GLI3: variants seen among roughly 807,000 people sequenced by gnomAD.
GLI3 encodes GLI family zinc finger 3.
Under a neutral mutation model 100.8 loss-of-function variants are expected in GLI3, and 20 were observed. That is an observed-to-expected ratio of 0.20 (90% confidence interval 0.14 to 0.29). GLI3 has a LOEUF of 0.29. Among genes scored for constraint, GLI3 ranks in the 10% least tolerant of loss-of-function variants. GLI3 has a pLI of 1.00. For missense variants in GLI3, 2,040 were observed against 2,128.5 expected (o/e 0.96, Z 0.82); for synonymous variants, 938 against 860.5 (o/e 1.09, Z -1.58).
Position 41,964,929 on chromosome 7 carries a change from C to G in GLI3, c.4144G>C (p.Gly1382Arg), listed in dbSNP as rs1213743797. The G allele has an allele frequency of 2.5e-6, 4 of 1,613,800 alleles. No individual in the cohort carries two copies. Among genetic ancestry groups the G allele is most frequent in the Non-Finnish European group, 3.4e-6 (4 of 1,180,052 alleles). The change falls in exon 15 of 15, where the codon GGC becomes CGC. Residue 1382 changes from glycine (G) to arginine (R), a missense_variant. Gly to Arg is a moderately radical substitution (Grantham distance 125). Around this residue, in one of 5 missense-constraint regions of GLI3, gnomAD observed 1,041 missense variants for 924.0 expected, o/e 1.13. Coordinates refer to ENST00000395925, the MANE Select transcript of GLI3 (RefSeq NM_000168.6). Reference protein sequence around the residue: ...SQPSSLAVVRGYQPCASFGGS... With the variant: ...SQPSSLAVVRRYQPCASFGGS... ...CCAAAGCTGGCACATGGCTGGTAGC[C>G]CCTGACAACTGCCAAGCTTGACGGC...
chr7:42,115,346 G>A (rs1785826935), intron 3 of GLI3, among the ~76,000 whole-genome samples: 1 of 151,934 alleles, frequency 6.6e-6, no homozygotes, highest in Non-Finnish European at 1.5e-5. Context: ...CACCATATTG[G>A]CCAGGCTGGT....
At chr7:42,134,784 GA>G (rs1786386038) in intron 3 of GLI3, among the ~76,000 whole-genome samples, 1 of 152,058 alleles carries the variant, frequency 6.6e-6, no homozygotes, top group South Asian at 2.1e-4. Context: ...TTCCCTGCAA[GA>G]AAACTCTAAA....
chr7:42,251,845 A>G (rs1236858150), intron 1 of GLI3, among the ~76,000 whole-genome samples: 7 of 152,074 alleles, frequency 4.6e-5, no homozygotes, highest in African/African-American at 1.7e-4. Context: ...CACAGAGAAA[A>G]CAGCAGGAGA....
intron 4 of GLI3, among the ~76,000 whole-genome samples, chr7:42,050,772 G>A (rs1238988123): frequency 6.6e-6 from 1 of 152,116 alleles, no homozygotes; most frequent in Non-Finnish European, 1.5e-5. Flanking sequence ...ATTTCTTACT[G>A]GCTTTTCTTG....
rs1383426134 is a variant in GLI3 at position 42,086,143 on chromosome 7, T to A, written c.368-9286A>T. Among the ~76,000 whole-genome samples, 6 of 152,284 alleles carry A rather than the reference T, an allele frequency of 3.9e-5. No individual in the cohort carries two copies. The East Asian group carries it at 1.2e-3, about 29-fold the overall frequency. ...CAATCTTGATGAGCACAAGTGCAAGTCACTGAATACTTTAATGCAGGTCAA... is the reference window on the plus strand; with the variant it reads ...CAATCTTGATGAGCACAAGTGCAAGACACTGAATACTTTAATGCAGGTCAA... On this transcript the variant is annotated intron_variant, in intron 3 of 14. Coordinates refer to ENST00000395925, the MANE Select transcript of GLI3 (RefSeq NM_000168.6).
At chr7:42,111,884 C>T (rs571112601) in intron 3 of GLI3, among the ~76,000 whole-genome samples, 2 of 152,154 alleles carry the variant, frequency 1.3e-5, no homozygotes, top group Non-Finnish European at 2.9e-5. Flanking sequence ...GTGAGCAGTG[C>T]ACCCGGTATG....
At chr7:41,992,734 T>G (rs1583766180) in intron 10 of GLI3, among the ~76,000 whole-genome samples, 1 of 152,218 alleles carries the variant, frequency 6.6e-6, no homozygotes, top group African/African-American at 2.4e-5. Flanking sequence ...GAGCATGTCA[T>G]CATGTGGGGT....
intron 2 of GLI3, among the ~76,000 whole-genome samples, chr7:42,197,176 C>T (rs1053722045): frequency 2.4e-4 from 37 of 152,172 alleles, no homozygotes; most frequent in African/African-American, 8.4e-4. Flanking sequence ...TCCCTCTTAA[C>T]GTCATCAAGT....
At chr7:42,045,552 A>T in intron 5 of GLI3, 22 bp from the exon 6 acceptor site, 1 of 1,612,792 alleles carries the variant, frequency 6.2e-7, no homozygotes, top group Non-Finnish European at 8.5e-7. Flanking sequence ...CAAGAGATGT[A>T]TGGTTACTAG....
chr7:42,115,879 T>G (rs773257096), intron 3 of GLI3, among the ~76,000 whole-genome samples: 6 of 152,118 alleles, frequency 3.9e-5, no homozygotes, highest in Non-Finnish European at 7.3e-5. Context: ...TGGTGGCAAG[T>G]GTTAACAACT....
In GLI3 at chr7:42,008,098, T is replaced by C. The variant is rs116879663; in HGVS notation, c.1497+15370A>G. ...AATTTCACTCAGGTTCGAGTGGGAC[T>C]AAGTAAATCTAGTCCAGCAACCCAC... On this transcript the variant is annotated intron_variant, in intron 10 of 14. Transcript: ENST00000395925. 5.0e-4 allele frequency among the ~76,000 whole-genome samples: 76 copies of C among 152,284 alleles called. 1 individual carries two copies. The East Asian group carries it at 0.014, about 27-fold the overall frequency.
chr7:42,019,831 T>A (rs1335768298), intron 10 of GLI3, among the ~76,000 whole-genome samples: 2 of 152,174 alleles, frequency 1.3e-5, no homozygotes, highest in Non-Finnish European at 2.9e-5. Context: ...TATACTCCTC[T>A]TGCTTTTTTG....
intron 6 of GLI3, among the ~76,000 whole-genome samples, chr7:42,041,976 G>A (rs1441011578): frequency 6.6e-6 from 1 of 150,578 alleles, no homozygotes; most frequent in Non-Finnish European, 1.5e-5. Flanking sequence ...GCCTGATTTA[G>A]AGCATGTTAG....
chr7:42,077,352 A>ACATG (rs1166800882), intron 3 of GLI3, among the ~76,000 whole-genome samples: 2 of 150,474 alleles, frequency 1.3e-5, no homozygotes, highest in African/African-American at 2.5e-5. Flanking sequence ...GCTGATATAC[A>ACATG]CATGCATGCA....
intron 2 of GLI3, among the ~76,000 whole-genome samples, chr7:42,201,380 G>A (rs182960299): frequency 1.3e-5 from 2 of 152,130 alleles, no homozygotes; most frequent in Non-Finnish European, 2.9e-5. Flanking sequence ...TCAGTCCATC[G>A]GGTAGAAACT....
Position 42,023,564 on chromosome 7 carries a change from T to G in GLI3, c.1401A>C (p.Lys467Asn). 6.2e-7 allele frequency: 1 copy of G among 1,613,872 alleles called. No homozygotes were observed. Among genetic ancestry groups the G allele is most frequent in the Non-Finnish European group, 8.5e-7 (1 of 1,179,874 alleles). Residue 467 changes from lysine (K) to asparagine (N), a missense_variant, in exon 10 of 15, where the codon AAA (lysine) becomes AAC (asparagine). Lys to Asn is a moderately conservative substitution (Grantham distance 94, BLOSUM62 0). This residue lies in a region of GLI3 where 603 missense variants were observed against 690.9 expected (regional missense o/e 0.87). Coordinates refer to ENST00000395925, the MANE Select transcript of GLI3 (RefSeq NM_000168.6). ...CTTCAGGCTCCTGTTTGCTTTCATC[T>G]TTGTCCCCTTCCTCCTTGACAAGGG... ...GTTLVKEEGD[K>N]DESKQEPEVI...
At chr7:42,057,851 G>C (rs1269044481) in intron 4 of GLI3, among the ~76,000 whole-genome samples, 1 of 152,130 alleles carries the variant, frequency 6.6e-6, no homozygotes, top group Non-Finnish European at 1.5e-5. Context: ...ATACAGAGTG[G>C]TATAATGAAC....
chr7:42,026,616 T>C (rs1789122245), intron 7 of GLI3, among the ~76,000 whole-genome samples: 2 of 152,176 alleles, frequency 1.3e-5, no homozygotes. Flanking sequence ...TGTGCACACA[T>C]ACACGCAGAC....
At chr7:42,007,058 A>T (rs1434786885) in intron 10 of GLI3, among the ~76,000 whole-genome samples, 1 of 152,070 alleles carries the variant, frequency 6.6e-6, no homozygotes. Flanking sequence ...AGAGCCAACA[A>T]TCTCTCAAAA....
Sources: allele counts gnomAD v4.1 joint callset (sites outside exome capture counted in the v4.1 genomes callset), GRCh38; gene constraint gnomAD v4.1.1; regional missense constraint gnomAD v4.1.1; transcripts MANE v1.5; gene names NCBI Gene and HGNC (gene_info 2026-07-23, HGNC 2026-07-21).